The following MYO9A variants were observed in gnomAD, a reference collection of about 807,000 sequenced individuals.
The protein encoded by MYO9A is unconventional myosin-IXa.
In MYO9A, 103 loss-of-function variants were observed where a neutral mutation model predicts 293.3. That is an observed-to-expected ratio of 0.35 (90% CI 0.30 to 0.41). MYO9A has a LOEUF of 0.41. MYO9A is among the 10% of genes least tolerant of loss of function. MYO9A has a pLI of 1.00. For synonymous variants in MYO9A, 1,001 were observed against 1,035.7 expected, an observed-to-expected ratio of 0.97 and a Z score of 0.64; for missense variants, 2,685 against 3,033.0, an observed-to-expected ratio of 0.89 and a Z score of 2.69.
chr15:71,831,401 T>C (rs1174174554), intron 39 of MYO9A, among the ~76,000 whole-genome samples: 1 of 152,250 alleles, frequency 6.6e-6, no homozygotes, highest in Non-Finnish European at 1.5e-5. Context: ...TCTAGTCCTT[T>C]ACAGAAAAAG....
intron 39 of MYO9A, among the ~76,000 whole-genome samples, chr15:71,838,470 T>G (rs1230509231): frequency 6.6e-6 from 1 of 152,194 alleles, no homozygotes; most frequent in Non-Finnish European, 1.5e-5. Context: ...TACCCAACTC[T>G]TAATGCAAGT....
intron 34 of MYO9A, among the ~76,000 whole-genome samples, chr15:71,856,419 A>G (rs1353283963): frequency 6.6e-6 from 1 of 152,024 alleles, no homozygotes; most frequent in African/African-American, 2.4e-5. Context: ...CTAGATCAGG[A>G]AAGACTGGGC....
chr15:72,099,894 A>G (rs1338526089), intron 1 of MYO9A, among the ~76,000 whole-genome samples: 1 of 123,316 alleles, frequency 8.1e-6, no homozygotes, highest in Non-Finnish European at 1.6e-5. Context: ...TGGGTGACAG[A>G]GCAAGACTTG....
intron 33 of MYO9A, among the ~76,000 whole-genome samples, chr15:71,861,321 CTAA>C (rs2141726971): frequency 6.6e-6 from 1 of 151,564 alleles, no homozygotes; most frequent in African/African-American, 2.4e-5. Flanking sequence ...CTTCACAGAA[CTAA>C]TAATAGCACC....
chr15:72,046,331 G>A lies in MYO9A; in HGVS notation c.233C>T (p.Pro78Leu). 1 of 1,613,934 alleles carries A rather than the reference G, an allele frequency of 6.2e-7. No homozygotes were observed. Among genetic ancestry groups the A allele is most frequent in the Non-Finnish European group, 8.5e-7 (1 of 1,179,866 alleles). The change falls in exon 2 of 42, where the codon CCA (proline) becomes CTA (leucine). Residue 78 changes from proline to leucine, a missense_variant. Pro to Leu is a moderately conservative substitution (Grantham distance 98, BLOSUM62 -3). Coordinates refer to ENST00000356056, the MANE Select transcript of MYO9A (RefSeq NM_006901.4). Reference protein sequence around the residue: ...EFGGEEWILNPTDCPVQRMML... With the variant: ...EFGGEEWILNLTDCPVQRMML... ...CATTCGCTGAACTGGACAATCTGTT[G>A]GATTGAGAATCCATTCTTCTCCACC...
intron 4 of MYO9A, among the ~76,000 whole-genome samples, chr15:72,023,946 G>A (rs963870551): frequency 6.6e-6 from 1 of 151,916 alleles, no homozygotes; most frequent in African/African-American, 2.4e-5. Context: ...CACCAAGAGA[G>A]AAATTCCTCA....
intron 34 of MYO9A, among the ~76,000 whole-genome samples, chr15:71,859,376 T>C (rs2056016188): frequency 6.6e-6 from 1 of 152,228 alleles, no homozygotes; most frequent in South Asian, 2.1e-4. Flanking sequence ...ATGTTTAAAT[T>C]TGTTCATCTT....
chr15:72,026,863 T>G (rs2077690156), intron 4 of MYO9A, among the ~76,000 whole-genome samples: 2 of 152,156 alleles, frequency 1.3e-5, no homozygotes, highest in South Asian at 4.1e-4. Context: ...GACAAATTCC[T>G]AGAAAGATAA....
chr15:71,919,006 A>G (rs1274364266), intron 18 of MYO9A, among the ~76,000 whole-genome samples: 1 of 152,238 alleles, frequency 6.6e-6, no homozygotes, highest in African/African-American at 2.4e-5. Context: ...TAACTTTCTC[A>G]GAAAACTCTT....
chr15:72,072,217 C>T (rs1382745596), intron 1 of MYO9A, among the ~76,000 whole-genome samples: 4 of 151,766 alleles, frequency 2.6e-5, no homozygotes, highest in African/African-American at 9.7e-5. Context: ...CTGCAAGCTC[C>T]GCCTCCCAGG....
In MYO9A at chr15:71,898,684, T is replaced by C. The variant is rs964113626; in HGVS notation, c.3819A>G (p.Glu1273=). The C allele has an allele frequency of 6.2e-7, 1 of 1,613,994 alleles. No homozygotes were observed. Among genetic ancestry groups the C allele is most frequent in the Non-Finnish European group, 8.5e-7 (1 of 1,180,040 alleles). Residue 1273 remains glutamate, a synonymous_variant, in exon 25 of 42, where the codon GAA becomes GAG. Coordinates refer to ENST00000356056, the MANE Select transcript of MYO9A (RefSeq NM_006901.4). ...GCTCTAGTTCTCTCATTCTCCTACT[T>C]TCTCTCTTAGCCCGGCCTACTTTTT... The part of the protein sequence containing the change: ...HQKKVGRAKR[E]SRRMRELEQA...
intron 18 of MYO9A, among the ~76,000 whole-genome samples, chr15:71,927,976 T>C (rs2145485726): frequency 7.5e-6 from 1 of 133,498 alleles, no homozygotes; most frequent in South Asian, 2.5e-4. Context: ...CATTGGTTAA[T>C]GTATATTTTC....
At chr15:71,937,935 A>G (rs922579443) in intron 16 of MYO9A, among the ~76,000 whole-genome samples, 2 of 152,178 alleles carry the variant, frequency 1.3e-5, no homozygotes, top group Non-Finnish European at 1.5e-5. Context: ...ATATGGTGGT[A>G]GATACCATAG....
intron 30 of MYO9A, among the ~76,000 whole-genome samples, chr15:71,878,638 T>C (rs1296251251): frequency 6.6e-6 from 1 of 151,928 alleles, no homozygotes; most frequent in Admixed American, 6.6e-5. Context: ...ATATATTAAG[T>C]AACCAATTTA....
In MYO9A at chr15:71,851,360, T is replaced by TA. The variant is rs574938131; in HGVS notation, c.6476-3dup. ...TTGTCTCCTTCCTCTCCTGAAGGCC[T>TA]AAAAACAGTAAGAGCAGAAACTAAG... On this transcript the variant is annotated splice_region_variant and splice_polypyrimidine_tract_variant and intron_variant, in intron 36 of 41. Coordinates refer to ENST00000356056, the MANE Select transcript of MYO9A (RefSeq NM_006901.4). 8.6e-4 allele frequency: 1,388 copies of TA among 1,608,818 alleles called. 2 individuals are homozygous for TA. Among genetic ancestry groups the TA allele is most frequent in the Non-Finnish European group, 1.1e-3 (1,258 of 1,175,946 alleles).
chr15:72,089,446 G>A (rs891405063), intron 1 of MYO9A, among the ~76,000 whole-genome samples: 1 of 152,106 alleles, frequency 6.6e-6, no homozygotes, highest in African/African-American at 2.4e-5. Flanking sequence ...GCAGGCATCA[G>A]CCACTGTGCC....
rs527238665 is a variant in MYO9A, at chr15:71,827,158, G to C, written c.7184-115C>G. On this transcript the variant is annotated intron_variant, in intron 41 of 41. Coordinates refer to ENST00000356056, the MANE Select transcript of MYO9A (RefSeq NM_006901.4). The stretch of plus-strand genomic sequence containing the variant: ...AAATTGGGTGGGATAAGATTCAGAG[G>C]GTCCAGGATGACTTACTATGGGCAC... 7.8e-6 allele frequency: 6 copies of C among 764,960 alleles called. No homozygotes were observed. In the South Asian group the frequency reaches 1.2e-4, roughly 15 times the overall value. 47.4% of individuals were successfully genotyped at this position (764,960 alleles called of 1,614,324 possible). A position where few individuals can be genotyped will look rare whatever the true frequency, so the allele number is the denominator to read the frequency against.
intron 4 of MYO9A, among the ~76,000 whole-genome samples, chr15:72,023,695 CAAAAAAA>C (rs368209775): frequency 3.9e-5 from 2 of 51,304 alleles, no homozygotes; most frequent in African/African-American, 5.8e-5. Context: ...AACTCTGTCT[CAAAAAAA>C]AAAAAAAAAA....
At position 71,867,732 on chromosome 15, in the gene MYO9A, G is replaced by A. The variant is rs561765018; in HGVS notation, c.5980-5121C>T. ...ACTACCTTTATTACAGAGAAATGAA[G>A]CAATATTTATCAAAATAACAAATGC... On this transcript the variant is annotated intron_variant, in intron 32 of 41. Coordinates refer to ENST00000356056, the MANE Select transcript of MYO9A (RefSeq NM_006901.4). Among the ~76,000 whole-genome samples, 18 of 148,908 alleles carry A rather than the reference G, an allele frequency of 1.2e-4. No individual in the cohort carries two copies. The South Asian group carries it at 3.9e-3, about 32-fold the overall frequency.
Sources: allele counts gnomAD v4.1 joint callset (sites outside exome capture counted in the v4.1 genomes callset), GRCh38; gene constraint gnomAD v4.1.1; transcripts MANE v1.5; gene names NCBI Gene and HGNC (gene_info 2026-07-23, HGNC 2026-07-21).